FBXO31: variants seen among roughly 807,000 people sequenced by gnomAD.
FBXO31 encodes F-box protein 31.
FBXO31 carries 24 observed loss-of-function variants against 54.4 expected under a neutral mutation model. The observed-to-expected ratio is 0.44, with a 90% CI of 0.32 to 0.62. FBXO31 has a LOEUF of 0.62. FBXO31 is among the 20% of genes least tolerant of loss of function. The pLI, the probability that FBXO31 is intolerant of heterozygous loss-of-function variation, is 0.05. For synonymous variants in FBXO31, 388 were observed against 335.6 expected, an observed-to-expected ratio of 1.16 and a Z score of -1.71; for missense variants, 665 against 787.1, an observed-to-expected ratio of 0.84 and a Z score of 1.86.
At chr16:87,362,098 C>T (rs1906159438) in intron 1 of FBXO31, among the ~76,000 whole-genome samples, 1 of 152,196 alleles carries the variant, frequency 6.6e-6, no homozygotes, top group Admixed American at 6.5e-5. Context: ...ACTTGAAGAT[C>T]TCCCACAGAG....
rs1567610611 is a variant in FBXO31, at chr16:87,328,746, C to A, written c.*2542G>T. On this transcript the variant is annotated 3_prime_UTR_variant, in exon 9 of 9. Coordinates refer to ENST00000311635, the MANE Select transcript of FBXO31 (RefSeq NM_024735.5). ...CTCCAGAGAGCAGACTTGATCCTGC[C>A]CCAGAGTGAGACAGCGACAGAAAGG... The A allele has an allele frequency of 6.6e-6, 1 of 152,252 alleles. No homozygotes were observed. Among genetic ancestry groups the A allele is most frequent in the Admixed American group, 6.5e-5 (1 of 15,280 alleles). 9.4% of individuals were successfully genotyped at this position (152,252 alleles called of 1,614,324 possible).
intron 5 of FBXO31, among the ~76,000 whole-genome samples, chr16:87,337,684 G>C (rs1461108926): frequency 6.9e-6 from 1 of 145,344 alleles, no homozygotes; most frequent in Admixed American, 7.0e-5. Flanking sequence ...AAGGTTTTCA[G>C]CAAGGTGCTC....
intron 1 of FBXO31, among the ~76,000 whole-genome samples, chr16:87,377,055 T>A (rs190544384): frequency 6.6e-6 from 1 of 152,364 alleles, no homozygotes; most frequent in African/African-American, 2.4e-5. Flanking sequence ...AATGAACTCG[T>A]GAAACTGAAA....
intron 1 of FBXO31, among the ~76,000 whole-genome samples, chr16:87,360,902 G>A (rs949789624): frequency 9.2e-5 from 14 of 152,270 alleles, no homozygotes; most frequent in Non-Finnish European, 1.6e-4. Context: ...CCAGGGCCCA[G>A]TGCAGGGCCC....
chr16:87,384,025 C>A (rs886344378), upstream of FBXO31: 5 of 194,294 alleles, frequency 2.6e-5, no homozygotes, highest in Non-Finnish European at 5.2e-5. Flanking sequence ...GTTAGACTGC[C>A]CCGTGTGAGG....
intron 2 of FBXO31, among the ~76,000 whole-genome samples, chr16:87,355,184 C>G (rs1905838345): frequency 6.6e-6 from 1 of 152,098 alleles, no homozygotes; most frequent in Non-Finnish European, 1.5e-5. Flanking sequence ...AAAGCAAGAC[C>G]CCCATCTCTA....
Position 87,336,424 on chromosome 16 carries a change from G to C in FBXO31, c.733-160C>G, listed in dbSNP as rs908139842. Among the ~76,000 whole-genome samples the C allele has an allele frequency of 6.6e-6, 1 of 152,210 alleles. No individual in the cohort carries two copies. Among genetic ancestry groups the C allele is most frequent in the East Asian group, 1.9e-4 (1 of 5,182 alleles). On this transcript the variant is annotated intron_variant, in intron 5 of 8. Coordinates refer to ENST00000311635, the MANE Select transcript of FBXO31 (RefSeq NM_024735.5). The surrounding 1 kb of genome is among the most constrained non-coding windows in gnomAD (Gnocchi z 6.5). Reference sequence around the variant, plus strand: ...GAGGATGGACTTGGCGCTGGGAAGAGAAAGGGGAGCTGCCGGATTTGACCC... The same window carrying C: ...GAGGATGGACTTGGCGCTGGGAAGACAAAGGGGAGCTGCCGGATTTGACCC...
At chr16:87,387,353 TAGAAG>T (rs1280492732), upstream of FBXO31, among the ~76,000 whole-genome samples, 4 of 152,310 alleles carry the variant, frequency 2.6e-5, no homozygotes, top group South Asian at 6.2e-4. Flanking sequence ...AAGAACTAGA[TAGAAG>T]AGATCATTTG....
At chr16:87,361,697 T>C (rs762653441) in intron 1 of FBXO31, among the ~76,000 whole-genome samples, 2 of 152,170 alleles carry the variant, frequency 1.3e-5, no homozygotes, top group African/African-American at 4.8e-5. Flanking sequence ...TTCTTTTCAA[T>C]AGCATGGATG....
intron 1 of FBXO31, among the ~76,000 whole-genome samples, chr16:87,363,009 G>C (rs1299478445): frequency 1.3e-5 from 2 of 152,204 alleles, no homozygotes; most frequent in African/African-American, 2.4e-5. Context: ...GCATGAAGCA[G>C]CCCAAGGGCC....
intron 1 of FBXO31, among the ~76,000 whole-genome samples, chr16:87,378,250 AAGAT>A (rs1304350926): frequency 1.3e-5 from 2 of 152,192 alleles, no homozygotes; most frequent in African/African-American, 4.8e-5. Context: ...GCAAAAATGA[AAGAT>A]AAATAAAATA....
chr16:87,345,919 G>A lies in FBXO31; in HGVS notation c.489+1255C>T, dbSNP rs1905365194. On this transcript the variant is annotated intron_variant, in intron 3 of 8. Transcript: ENST00000311635. This position sits in a 1 kb window ranked among gnomAD's most constrained non-coding sequence, Gnocchi z 4.9. ...CTACCGCCGCCAAACGCCAAAGATG[G>A]CAACCAGAGAACACAGCCCCATGCT... Among the ~76,000 whole-genome samples, 1 of 152,224 alleles carries A rather than the reference G, an allele frequency of 6.6e-6. No individual in the cohort carries two copies. Among genetic ancestry groups the A allele is most frequent in the South Asian group, 2.1e-4 (1 of 4,828 alleles).
chr16:87,340,706 C>T (rs183127587), intron 5 of FBXO31, among the ~76,000 whole-genome samples: 61 of 152,268 alleles, frequency 4.0e-4, no homozygotes, highest in African/African-American at 1.4e-3. Flanking sequence ...GCCTGTAGCC[C>T]CAGCACTTTG....
chr16:87,333,583 G>A (rs1328389182), intron 8 of FBXO31, among the ~76,000 whole-genome samples: 1 of 152,222 alleles, frequency 6.6e-6, no homozygotes. Flanking sequence ...AAGCCCCTGG[G>A]GGAGCGGCAC....
At chr16:87,383,863 C>A, upstream of FBXO31, 1 of 753,276 alleles carries the variant, frequency 1.3e-6, no homozygotes, top group Non-Finnish European at 1.7e-6. This position sits in a 1 kb window ranked among gnomAD's most constrained non-coding sequence, Gnocchi z 4.9. Flanking sequence ...GAGCCTAGCC[C>A]CGCCCCTACG....
At chr16:87,366,346 A>C (rs1906367935) in intron 1 of FBXO31, among the ~76,000 whole-genome samples, 1 of 152,208 alleles carries the variant, frequency 6.6e-6, no homozygotes, top group African/African-American at 2.4e-5. Context: ...AATAAATCCT[A>C]TAATATTTAG....
In FBXO31 at chr16:87,338,233, C is replaced by G. The variant is rs1019421186; in HGVS notation, c.733-1969G>C. On this transcript the variant is annotated intron_variant, in intron 5 of 8. Transcript: ENST00000311635. The surrounding 1 kb of genome is among the most constrained non-coding windows in gnomAD (Gnocchi z 4.3). ...TCATCAGAGCAACACATACAAGCCA[C>G]AAGAAAAAAAAAAAAACAGGGAGCC... Among the ~76,000 whole-genome samples the G allele has an allele frequency of 1.2e-4, 17 of 146,220 alleles. No individual in the cohort carries two copies. The highest frequency in any genetic ancestry group is 2.1e-4 in the Non-Finnish European group (14 of 66,890).
intron 2 of FBXO31, among the ~76,000 whole-genome samples, chr16:87,356,120 T>C (rs1391381319): frequency 6.6e-6 from 1 of 151,572 alleles, no homozygotes; most frequent in Admixed American, 6.6e-5. Flanking sequence ...TCCCAGCTAC[T>C]TGGGACGCTG....
chr16:87,342,869 G>T lies in FBXO31; in HGVS notation c.732+8C>A. ...CCATATGAACACAGGGCCGGCTGGT[G>T]GGCTCACCTCCTGCCTCCCGCCGGA... On this transcript the variant is annotated splice_region_variant and intron_variant, in intron 5 of 8. Coordinates refer to ENST00000311635, the MANE Select transcript of FBXO31 (RefSeq NM_024735.5). 8 of 1,593,788 alleles carry T rather than the reference G, an allele frequency of 5.0e-6. No individual in the cohort carries two copies. Among genetic ancestry groups the T allele is most frequent in the Non-Finnish European group, 6.8e-6 (8 of 1,170,388 alleles).
Sources: gnomAD v4.1 joint callset for allele counts (sites outside exome capture counted in the v4.1 genomes callset) on GRCh38, gnomAD v4.1.1 for gene constraint, Gnocchi (gnomAD v3.1) non-coding constraint, MANE v1.5 for transcripts, NCBI Gene and HGNC (gene_info 2026-07-23, HGNC 2026-07-21) for gene names.